SCP2: variants seen among roughly 807,000 people sequenced by gnomAD.
The protein encoded by SCP2 is sterol carrier protein 2, also known as SCP-2/3-oxoacyl-CoA thiolase.
In SCP2, 48 loss-of-function variants were observed where a neutral mutation model predicts 71.4. That is an observed-to-expected ratio of 0.67 (90% CI 0.53 to 0.86). The LOEUF (loss-of-function observed/expected upper bound fraction) is 0.86, where lower values mean the gene tolerates loss of function less well. Ranked by LOEUF, SCP2 falls within the 40% of genes least tolerant of loss-of-function variation. The pLI, the probability that SCP2 is intolerant of heterozygous loss-of-function variation, is 0.00. For synonymous variants in SCP2, 220 were observed against 218.1 expected (o/e 1.01, Z -0.08); for missense variants, 560 against 655.6 (o/e 0.85, Z 1.59).
At chr1:52,999,233 A>G (rs1660148021) in intron 11 of SCP2, among the ~76,000 whole-genome samples, 1 of 152,338 alleles carries the variant, frequency 6.6e-6, no homozygotes, top group Non-Finnish European at 1.5e-5. Context: ...CATTAGCTGT[A>G]ATGTGCCCCA....
At chr1:52,930,911 C>G (rs1653091216) in intron 1 of SCP2, among the ~76,000 whole-genome samples, 1 of 151,896 alleles carries the variant, frequency 6.6e-6, no homozygotes, top group South Asian at 2.1e-4. Flanking sequence ...AGTAAATATT[C>G]TATGGGTTAT....
chr1:52,974,227 A>G (rs2150162287), intron 6 of SCP2, among the ~76,000 whole-genome samples: 1 of 152,184 alleles, frequency 6.6e-6, no homozygotes, highest in East Asian at 1.9e-4. Context: ...TTACCTCATT[A>G]CTGTACTTTT....
In SCP2 at chr1:53,050,601, C is replaced by A. The variant is rs750930902; in HGVS notation, c.1549-8C>A. The A allele has an allele frequency of 6.3e-7, 1 of 1,599,414 alleles. No homozygotes were observed. Among genetic ancestry groups the A allele is most frequent in the South Asian group, 1.1e-5 (1 of 90,798 alleles). ...CACCAAGTAATGAATTTTCTTTCTT[C>A]TTCACAGGCCTTCTTTCAAGGCAAA... is the stretch of plus-strand genomic sequence containing the variant. On this transcript the variant is annotated splice_region_variant and splice_polypyrimidine_tract_variant and intron_variant, in intron 15 of 15. Transcript: ENST00000371514.
intron 13 of SCP2, 83 bp downstream of exon 13, chr1:53,028,154 G>C (rs1662270075): frequency 1.3e-6 from 1 of 751,788 alleles, no homozygotes; most frequent in African/African-American, 1.7e-5. Flanking sequence ...CCACGAGGTG[G>C]TACAATTGAA....
intron 11 of SCP2, among the ~76,000 whole-genome samples, chr1:53,000,279 A>T (rs1660232513): frequency 6.6e-6 from 1 of 151,772 alleles, no homozygotes; most frequent in African/African-American, 2.4e-5. Flanking sequence ...AAGAAAGAAT[A>T]AGTAAAATTT....
intron 5 of SCP2, among the ~76,000 whole-genome samples, chr1:52,957,958 A>G (rs1655976929): frequency 6.7e-6 from 1 of 150,204 alleles, no homozygotes; most frequent in South Asian, 2.1e-4. Flanking sequence ...TGAAGGGTGT[A>G]AGGTCTGTGC....
At position 52,948,053 on chromosome 1, in the gene SCP2, G is replaced by A; in HGVS notation, c.172G>A (p.Asp58Asn). The A allele has an allele frequency of 6.2e-7, 1 of 1,613,030 alleles. No individual in the cohort carries two copies. Among genetic ancestry groups the A allele is most frequent in the African/African-American group, 1.3e-5 (1 of 75,006 alleles). Residue 58 changes from aspartate to asparagine, a missense_variant, in exon 3 of 16, where the codon GAC becomes AAC. Asp to Asn is a conservative substitution (Grantham distance 23). Transcript: ENST00000371514. Reference sequence around the variant, plus strand: ...TGCACAGATCCCTTATTCAGCAGTGGACCAGGCATGTGTTGGCTATGTTTT... The same window carrying A: ...TGCACAGATCCCTTATTCAGCAGTGAACCAGGCATGTGTTGGCTATGTTTT... The part of the protein sequence containing the change: ...ADAQIPYSAV[D>N]QACVGYVFGD...
chr1:53,043,903 A>C (rs1485022550), intron 14 of SCP2, among the ~76,000 whole-genome samples: 2 of 152,154 alleles, frequency 1.3e-5, no homozygotes, highest in East Asian at 1.9e-4. Context: ...TCGAGTATTA[A>C]GAGAAGATTT....
At chr1:53,042,709 C>T (rs967081900) in intron 14 of SCP2, among the ~76,000 whole-genome samples, 1 of 152,124 alleles carries the variant, frequency 6.6e-6, no homozygotes, top group African/African-American at 2.4e-5. Flanking sequence ...TAGTTTGAAC[C>T]GGCATCTTAA....
At chr1:53,045,352 TG>T (rs1489158331) in intron 14 of SCP2, among the ~76,000 whole-genome samples, 1 of 152,240 alleles carries the variant, frequency 6.6e-6, no homozygotes. Context: ...GGCTTTTTTT[TG>T]TTCAACAGCA....
At chr1:53,041,718 G>T (rs553165600) in intron 14 of SCP2, among the ~76,000 whole-genome samples, 1 of 152,278 alleles carries the variant, frequency 6.6e-6, no homozygotes, top group South Asian at 2.1e-4. Flanking sequence ...TGAAGGTAAT[G>T]GGACCTGGGA....
intron 15 of SCP2, chr1:53,050,400 T>C (rs1664130148): frequency 2.0e-6 from 1 of 505,184 alleles, no homozygotes; most frequent in African/African-American, 1.9e-5. Context: ...AGCTGCTCCT[T>C]TCTGCTGATC....
At chr1:52,968,305 G>A (rs781433915) in intron 6 of SCP2, among the ~76,000 whole-genome samples, 10 of 151,964 alleles carry the variant, frequency 6.6e-5, no homozygotes, top group Non-Finnish European at 1.3e-4. Flanking sequence ...AAATTAGCTG[G>A]TAGTTTGTCT....
intron 1 of SCP2, chr1:52,940,340 G>T (rs1171436718): frequency 1.3e-5 from 2 of 154,464 alleles, no homozygotes; most frequent in African/African-American, 4.8e-5. Flanking sequence ...TTGAGTCAGG[G>T]TGGTTGAGGC....
intron 8 of SCP2, among the ~76,000 whole-genome samples, chr1:52,977,090 T>G (rs561087644): frequency 6.6e-6 from 1 of 152,354 alleles, no homozygotes; most frequent in South Asian, 2.1e-4. Flanking sequence ...TTTTCCCTGC[T>G]ATGTACTTCT....
At chr1:53,027,202 G>A (rs1245357508) in intron 12 of SCP2, among the ~76,000 whole-genome samples, 2 of 151,912 alleles carry the variant, frequency 1.3e-5, no homozygotes, top group African/African-American at 2.4e-5. Context: ...CTACAGGCAC[G>A]CACCACCACA....
intron 15 of SCP2, 34 bp downstream of exon 15, chr1:53,047,971 G>A: frequency 6.9e-7 from 1 of 1,459,418 alleles, no homozygotes; most frequent in Non-Finnish European, 9.6e-7. Context: ...CTGCTAGTAG[G>A]TAGGTCTTTC....
intron 10 of SCP2, among the ~76,000 whole-genome samples, chr1:52,984,296 C>A (rs998579899): frequency 3.9e-5 from 6 of 152,152 alleles, no homozygotes; most frequent in African/African-American, 1.4e-4. Context: ...GAAAAAAAGA[C>A]AACCAGGACC....
intron 11 of SCP2, among the ~76,000 whole-genome samples, chr1:53,010,380 A>G (rs1206346673): frequency 1.3e-5 from 2 of 152,214 alleles, no homozygotes; most frequent in African/African-American, 4.8e-5. Context: ...AACCAACCCA[A>G]ATGTCCATCA....
Sources: gnomAD v4.1 joint callset for allele counts (sites outside exome capture counted in the v4.1 genomes callset) on GRCh38, gnomAD v4.1.1 for gene constraint, MANE v1.5 for transcripts, NCBI Gene and HGNC (gene_info 2026-07-23, HGNC 2026-07-21) for gene names.